The following OSBP2 variants were observed in gnomAD, a reference collection of about 807,000 sequenced individuals.
OSBP2 encodes oxysterol-binding protein 2.
A neutral mutation model predicts 96.0 loss-of-function variants in OSBP2; 66 were observed. The ratio of observed to expected loss-of-function variants is 0.69; its 90% CI spans 0.56 to 0.84. The LOEUF is 0.84. Among genes scored for constraint, OSBP2 ranks in the 40% least tolerant of loss-of-function variants. The pLI is 0.00. For missense variants in OSBP2, 1,038 were observed against 1,222.7 expected (o/e 0.85, Z 2.25); for synonymous variants, 525 against 520.9 (o/e 1.01, Z -0.11).
rs1214216463 is a variant in OSBP2 at position 30,870,893 on chromosome 22, TTGTC to T, written c.1107+214_1107+217del. 6.6e-6 allele frequency among the ~76,000 whole-genome samples: 1 copy of T among 152,212 alleles called. No homozygotes were observed. The highest frequency in any genetic ancestry group is 1.5e-5 in the Non-Finnish European group (1 of 68,030). On this transcript the variant is annotated intron_variant, in intron 3 of 13. Coordinates refer to ENST00000332585, the MANE Select transcript of OSBP2 (RefSeq NM_030758.4). The surrounding 1 kb of genome is among the most constrained non-coding windows in gnomAD (Gnocchi z 4.1). ...CGTTGGGCAAGGACATTCTTCCTAATTGTCTGGAGGAAACGAGTTGGTTGTGGAC... is the reference window on the plus strand; with the variant it reads ...CGTTGGGCAAGGACATTCTTCCTAATTGGAGGAAACGAGTTGGTTGTGGAC...
intron 2 of OSBP2, among the ~76,000 whole-genome samples, chr22:30,771,714 C>A (rs142842601): frequency 6.8e-4 from 103 of 152,328 alleles, no homozygotes; most frequent in African/African-American, 2.4e-3. Context: ...TGAGATCCAT[C>A]CACCGCAGAT....
At chr22:30,729,268 A>G (rs1468008912) in intron 1 of OSBP2, among the ~76,000 whole-genome samples, 1 of 152,222 alleles carries the variant, frequency 6.6e-6, no homozygotes, top group Non-Finnish European at 1.5e-5. Flanking sequence ...TAGGATCTCA[A>G]AGATACTAGC....
At chr22:30,855,226 A>G (rs1350943094) in intron 2 of OSBP2, among the ~76,000 whole-genome samples, 2 of 152,170 alleles carry the variant, frequency 1.3e-5, no homozygotes, top group Non-Finnish European at 2.9e-5. Context: ...GGGGCTTCTA[A>G]CAGGCTATAT....
intron 2 of OSBP2, among the ~76,000 whole-genome samples, chr22:30,806,123 T>G (rs868122057): frequency 6.6e-6 from 1 of 152,230 alleles, no homozygotes; most frequent in South Asian, 2.1e-4. Flanking sequence ...GGAGAACCAC[T>G]GCCATCCTTA....
intron 2 of OSBP2, among the ~76,000 whole-genome samples, chr22:30,810,537 G>A (rs1180757149): frequency 6.6e-6 from 1 of 152,126 alleles, no homozygotes. Context: ...TAATCTCAAG[G>A]TCACTGGTGT....
At chr22:30,733,814 T>C (rs1403320365) in intron 1 of OSBP2, among the ~76,000 whole-genome samples, 1 of 152,192 alleles carries the variant, frequency 6.6e-6, no homozygotes, top group African/African-American at 2.4e-5. Context: ...AGTATTATTT[T>C]GTTGAGAATC....
intron 2 of OSBP2, among the ~76,000 whole-genome samples, chr22:30,859,658 A>G (rs1005260886): frequency 2.0e-5 from 3 of 152,230 alleles, no homozygotes; most frequent in African/African-American, 7.2e-5. Context: ...ATGGGAGGAC[A>G]TGGCCTATAA....
chr22:30,837,333 TG>T (rs1049319991), intron 2 of OSBP2, among the ~76,000 whole-genome samples: 28 of 151,814 alleles, frequency 1.8e-4, no homozygotes, highest in Admixed American at 3.3e-4. Context: ...TCTGTTCCAC[TG>T]GGGGTAGAGA....
At chr22:30,704,523 T>A (rs1339549387) in intron 1 of OSBP2, among the ~76,000 whole-genome samples, 1 of 151,994 alleles carries the variant, frequency 6.6e-6, no homozygotes, top group African/African-American at 2.4e-5. Context: ...GCAGATTTTT[T>A]TTTTTTTTTT....
intron 2 of OSBP2, among the ~76,000 whole-genome samples, chr22:30,794,215 T>A (rs565464097): frequency 3.3e-5 from 5 of 151,118 alleles, no homozygotes; most frequent in African/African-American, 1.2e-4. Context: ...TGTTTTTTAA[T>A]AATTTAAAAA....
At chr22:30,866,143 C>G (rs1015107926) in intron 2 of OSBP2, among the ~76,000 whole-genome samples, 2 of 152,176 alleles carry the variant, frequency 1.3e-5, no homozygotes, top group Non-Finnish European at 2.9e-5. Context: ...ATCCCCAGAG[C>G]CTTAGATGGC....
intron 2 of OSBP2, among the ~76,000 whole-genome samples, chr22:30,813,504 C>G (rs2091039701): frequency 6.6e-6 from 1 of 151,826 alleles, no homozygotes; most frequent in Non-Finnish European, 1.5e-5. Flanking sequence ...CTTCTGTAGT[C>G]TCTGCTTGCT....
intron 2 of OSBP2, among the ~76,000 whole-genome samples, chr22:30,865,070 AAAG>A (rs1271021845): frequency 6.6e-6 from 1 of 152,212 alleles, no homozygotes; most frequent in Non-Finnish European, 1.5e-5. Context: ...GTTTTCCTCC[AAAG>A]ATGAGAAAAA....
At chr22:30,885,077 C>G (rs1440166070) in intron 3 of OSBP2, among the ~76,000 whole-genome samples, 1 of 152,194 alleles carries the variant, frequency 6.6e-6, no homozygotes, top group Non-Finnish European at 1.5e-5. Flanking sequence ...CTCCCTCGCC[C>G]TGCCTGCCAC....
chr22:30,764,298 AG>A (rs752784164), intron 2 of OSBP2: 182 of 482,074 alleles, frequency 3.8e-4, no homozygotes, highest in Non-Finnish European at 4.8e-4. Flanking sequence ...GGGGATGAGG[AG>A]GGGGTTGGGT....
chr22:30,697,562 G>A (rs939930726), intron 1 of OSBP2, among the ~76,000 whole-genome samples: 4 of 152,188 alleles, frequency 2.6e-5, no homozygotes, highest in Admixed American at 6.5e-5. Flanking sequence ...AAAACAAAAT[G>A]TGTAGACGGT....
At chr22:30,762,452 G>T (rs2090218171) in intron 2 of OSBP2, among the ~76,000 whole-genome samples, 1 of 151,852 alleles carries the variant, frequency 6.6e-6, no homozygotes, top group Non-Finnish European at 1.5e-5. Flanking sequence ...GGAGGCTGAG[G>T]CAGGGGGTGA....
intron 2 of OSBP2, among the ~76,000 whole-genome samples, chr22:30,776,129 T>A (rs28433168): frequency 1.6e-5 from 2 of 126,524 alleles, no homozygotes; most frequent in South Asian, 4.8e-4. Flanking sequence ...TTTTTTTTTT[T>A]ATTTTTCTTT....
chr22:30,745,416 T>C (rs1018325014), intron 2 of OSBP2, among the ~76,000 whole-genome samples: 4 of 152,150 alleles, frequency 2.6e-5, no homozygotes, highest in Admixed American at 6.5e-5. Context: ...TCCCAGCACT[T>C]TGGGAGGCCA....
Sources: allele counts gnomAD v4.1 joint callset (sites outside exome capture counted in the v4.1 genomes callset), GRCh38; gene constraint gnomAD v4.1.1; non-coding constraint Gnocchi (gnomAD v3.1); transcripts MANE v1.5; gene names NCBI Gene and HGNC (gene_info 2026-07-23, HGNC 2026-07-21).